ANGEL1: variants seen among roughly 807,000 people sequenced by gnomAD.
The protein encoded by ANGEL1 is RNA 2',3'-cyclic phosphatase ANGEL1.
A neutral mutation model predicts 76.4 loss-of-function variants in ANGEL1; 62 were observed. The ratio of observed to expected loss-of-function variants is 0.81; its 90% confidence interval spans 0.66 to 1.00. The LOEUF is 1.00. ANGEL1 is among the 50% of genes least tolerant of loss of function. ANGEL1 has a pLI of 0.00. For synonymous variants in ANGEL1, 340 were observed against 331.7 expected, an observed-to-expected ratio of 1.03 and a Z score of -0.27; for missense variants, 737 against 836.7, an observed-to-expected ratio of 0.88 and a Z score of 1.47.
rs1242405407 is a variant in ANGEL1, at chr14:76,803,855, G to A, written c.1438C>T (p.Leu480=). ...GTGATGCCCAGGGAGCTGGGCCACA[G>A]TGGGGCCTGCAGCTTCCTCTGGTAA... The part of the protein sequence containing the change: ...QLYQRKLQAP[L]WPSSLGITDC... The change falls in exon 6 of 10, where the codon CTG becomes TTG. Residue 480 remains leucine (L), a synonymous_variant. Transcript: ENST00000251089. 1.2e-6 allele frequency: 2 copies of A among 1,614,102 alleles called. No homozygotes were observed. Among genetic ancestry groups the A allele is most frequent in the Non-Finnish European group, 1.7e-6 (2 of 1,180,054 alleles).
At chr14:76,793,557 GTTT>G (rs113463837) in intron 7 of ANGEL1, among the ~76,000 whole-genome samples, 4 of 131,848 alleles carry the variant, frequency 3.0e-5, no homozygotes, top group Admixed American at 7.9e-5. Context: ...GGTTTTTTTG[GTTT>G]TTTTTTTTTT....
chr14:76,810,299 T>A (rs1206831011), intron 1 of ANGEL1: 1 of 440,648 alleles, frequency 2.3e-6, no homozygotes, highest in Admixed American at 2.4e-5. Flanking sequence ...CACATGCCCA[T>A]GGTCCTAGCT....
intron 7 of ANGEL1, among the ~76,000 whole-genome samples, chr14:76,794,499 G>A (rs886826981): frequency 3.3e-5 from 5 of 151,876 alleles, no homozygotes; most frequent in South Asian, 2.1e-4. Flanking sequence ...GTGAAACCCC[G>A]TCTCTACTAA....
At chr14:76,802,334 C>T (rs1469229036) in intron 7 of ANGEL1, among the ~76,000 whole-genome samples, 2 of 152,124 alleles carry the variant, frequency 1.3e-5, no homozygotes, top group African/African-American at 4.8e-5. Flanking sequence ...TATTTTAGCA[C>T]AGATTCCATG....
chr14:76,797,898 T>C (rs1320911690), intron 7 of ANGEL1, among the ~76,000 whole-genome samples: 1 of 152,240 alleles, frequency 6.6e-6, no homozygotes, highest in East Asian at 1.9e-4. Context: ...ATGGTCTAAA[T>C]GTTTGTGTCC....
At chr14:76,790,002 T>C (rs1407518491) in intron 9 of ANGEL1, among the ~76,000 whole-genome samples, 2 of 152,114 alleles carry the variant, frequency 1.3e-5, no homozygotes, top group Non-Finnish European at 2.9e-5. Flanking sequence ...GCAGCTGGGA[T>C]TACAGACACC....
chr14:76,805,303 A>G (rs1461424356), intron 5 of ANGEL1, among the ~76,000 whole-genome samples: 1 of 152,200 alleles, frequency 6.6e-6, no homozygotes, highest in Non-Finnish European at 1.5e-5. Flanking sequence ...GCTTCAAAGC[A>G]AGTGCTCTCA....
chr14:76,802,400 A>G (rs894413589), intron 7 of ANGEL1, among the ~76,000 whole-genome samples: 1 of 152,040 alleles, frequency 6.6e-6, no homozygotes, highest in African/African-American at 2.4e-5. Context: ...TGCACCAGCT[A>G]TTTGTACAAA....
Position 76,803,912 on chromosome 14 carries a change from C to G in ANGEL1, c.1381G>C (p.Val461Leu). The G allele has an allele frequency of 6.2e-7, 1 of 1,614,018 alleles. No homozygotes were observed. The highest frequency in any genetic ancestry group is 8.5e-7 in the Non-Finnish European group (1 of 1,179,994). ...LQYHGMPAWK[V>L]SGQEDFSHQL... ...TGGGAGAAGTCTTCCTGTCCAGATA[C>G]CTGGGTGGAAAAAGAAGGGTGGGAA... Residue 461 changes from valine (V) to leucine (L), a missense_variant and splice_region_variant, in exon 6 of 10, where the codon GTA (valine) becomes CTA (leucine). Around this residue, in one of 2 missense-constraint regions of ANGEL1, gnomAD observed 296 missense variants for 387.2 expected, o/e 0.76. Transcript: ENST00000251089.
chr14:76,799,278 C>CTTTTTTTTTTTTTTTTTT (rs71122579), intron 7 of ANGEL1, among the ~76,000 whole-genome samples: 1 of 52,378 alleles, frequency 1.9e-5, no homozygotes, highest in Non-Finnish European at 3.2e-5. Flanking sequence ...TCATGGCCTC[C>CTTTTTTTTTTTTTTTTTT]TTTTTTTTTT....
chr14:76,809,609 CAGA>C lies in ANGEL1; in HGVS notation c.96_98del (p.Leu33del), dbSNP rs1197328321. 1.2e-6 allele frequency: 2 copies of C among 1,613,274 alleles called. No individual in the cohort carries two copies. The highest frequency in any genetic ancestry group is 4.5e-5 in the East Asian group (2 of 44,874). On this transcript the variant is annotated inframe_deletion, in exon 2 of 10. Transcript: ENST00000251089. ...CTACCTGGGGGGATGAGCTGTTCGCCAGAAGGACATTTTTTCGACATGTGAAGA... is the reference window on the plus strand; with the variant it reads ...CTACCTGGGGGGATGAGCTGTTCGCCAGGACATTTTTTCGACATGTGAAGA...
intron 7 of ANGEL1, 83 bp downstream of exon 7, chr14:76,803,288 A>T: frequency 8.9e-7 from 1 of 1,125,958 alleles, no homozygotes; most frequent in Non-Finnish European, 1.3e-6. Context: ...TTATACTTAG[A>T]AAAGAGCAGG....
In ANGEL1 at chr14:76,789,135, T is replaced by A. The variant is rs1010253752; in HGVS notation, c.*93A>T. On this transcript the variant is annotated 3_prime_UTR_variant, in exon 10 of 10. Coordinates refer to ENST00000251089, the MANE Select transcript of ANGEL1 (RefSeq NM_015305.4). Reference sequence around the variant, plus strand: ...GGGAAGGGAGGGGATGTAAGTTTCTTGGATCTAAGTTTCTAGATGCATGGG... The same window carrying A: ...GGGAAGGGAGGGGATGTAAGTTTCTAGGATCTAAGTTTCTAGATGCATGGG... 1 of 1,494,934 alleles carries A rather than the reference T, an allele frequency of 6.7e-7. No homozygotes were observed. Among genetic ancestry groups the A allele is most frequent in the Non-Finnish European group, 9.1e-7 (1 of 1,102,590 alleles). 92.6% of individuals were successfully genotyped at this position (1,494,934 alleles called of 1,614,324 possible).
intron 7 of ANGEL1, among the ~76,000 whole-genome samples, chr14:76,802,878 C>G (rs547262723): frequency 6.6e-6 from 1 of 152,300 alleles, no homozygotes; most frequent in African/African-American, 2.4e-5. Flanking sequence ...CCAGTTTTGT[C>G]TACAATGGAG....
Position 76,807,504 on chromosome 14 carries a change from T to C in ANGEL1, c.877-2A>G. 1.9e-6 allele frequency: 3 copies of C among 1,613,368 alleles called. No homozygotes were observed. The highest frequency in any genetic ancestry group is 2.5e-6 in the Non-Finnish European group (3 of 1,179,760). ...CTGGACTTCCTGGAGACACAGGATC[T>C]GGGAAATTGACAAGAAACCCAATCA... On this transcript the variant is annotated splice_acceptor_variant, in intron 3 of 9. Transcript: ENST00000251089. LOFTEE classifies it high-confidence loss of function.
intron 7 of ANGEL1, among the ~76,000 whole-genome samples, chr14:76,793,406 ATAAAAGGAAAGAGGAGAGGGGAG>A (rs1894473489): frequency 3.5e-5 from 1 of 28,896 alleles, no homozygotes; most frequent in Non-Finnish European, 7.3e-5. Flanking sequence ...GGGAGAGGGG[ATAAAAGGAAAGAGGAGAGGGGAG>A]GAGGAGGAGG....
intron 7 of ANGEL1, among the ~76,000 whole-genome samples, chr14:76,799,060 G>A (rs1465215048): frequency 6.6e-6 from 1 of 151,950 alleles, no homozygotes; most frequent in East Asian, 1.9e-4. Context: ...TCAGCTTATG[G>A]GAAAATCAAA....
chr14:76,812,797 G>T lies in ANGEL1; in HGVS notation c.31C>A (p.Leu11Met). MIASCLCYLLLPATRLFRALS... is the reference protein window; with the variant it reads MIASCLCYLLMPATRLFRALS... ...GCGCGGAAGAGGCGCGTGGCCGGCA[G>T]CAGCAGGTAACACAAGCACGACGCG... The change falls in exon 1 of 10, where the codon CTG becomes ATG. Residue 11 changes from leucine to methionine, a missense_variant. Around this residue, in one of 2 missense-constraint regions of ANGEL1, gnomAD observed 441 missense variants for 449.5 expected, o/e 0.98. Transcript: ENST00000251089. The T allele has an allele frequency of 6.6e-7, 1 of 1,521,638 alleles. No individual in the cohort carries two copies. The allele number at this position is 1,521,638 out of a possible 1,614,324, so 94.3% of individuals were successfully genotyped here. A position where few individuals can be genotyped will look rare whatever the true frequency, so the allele number is the denominator to read the frequency against.
chr14:76,808,194 C>G (rs546123293), intron 2 of ANGEL1, 46 bp from the exon 3 acceptor site: 2 of 1,539,670 alleles, frequency 1.3e-6, no homozygotes, highest in Admixed American at 1.8e-5. Flanking sequence ...ATGAGTAATG[C>G]AGAGGTGCTG....
Sources: gnomAD v4.1 joint callset for allele counts (sites outside exome capture counted in the v4.1 genomes callset) on GRCh38, gnomAD v4.1.1 for gene constraint, gnomAD v4.1.1 regional missense constraint, MANE v1.5 for transcripts, NCBI Gene and HGNC (gene_info 2026-07-23, HGNC 2026-07-21) for gene names.